The following PCDHGA5 variants were observed in gnomAD, a reference collection of about 807,000 sequenced individuals.
PCDHGA5 encodes protocadherin gamma subfamily A, 5.
PCDHGA5 carries 36 observed loss-of-function variants against 56.7 expected under a neutral mutation model. The observed-to-expected ratio is 0.64, with a 90% confidence interval of 0.49 to 0.84. The LOEUF (loss-of-function observed/expected upper bound fraction) is 0.84, where lower values mean the gene tolerates loss of function less well. PCDHGA5 is among the 40% of genes least tolerant of loss of function. The probability of loss-of-function intolerance (pLI) is 0.00; values close to 1 mark genes in which losing one functional copy is unlikely to be tolerated. For synonymous variants in PCDHGA5, 563 were observed against 520.2 expected, an observed-to-expected ratio of 1.08 and a Z score of -1.12; for missense variants, 1,305 against 1,201.5, an observed-to-expected ratio of 1.09 and a Z score of -1.27.
intron 1 of PCDHGA5, chr5:141,427,102 C>T (rs1363595185): frequency 6.6e-6 from 3 of 457,858 alleles, no homozygotes; most frequent in South Asian, 3.1e-5. Flanking sequence ...GGTGTCAATG[C>T]GGAGATCACC....
At chr5:141,406,267 G>A (rs2094786630) in intron 1 of PCDHGA5, among the ~76,000 whole-genome samples, 1 of 151,854 alleles carries the variant, frequency 6.6e-6, no homozygotes, top group African/African-American at 2.4e-5. Context: ...CGATCTTCCT[G>A]CTTCAGTTTC....
intron 1 of PCDHGA5, among the ~76,000 whole-genome samples, chr5:141,463,797 T>C (rs58523023): frequency 0.28 from 42,459 of 152,012 alleles, 6,656 homozygotes; most frequent in African/African-American, 0.43. Flanking sequence ...TGAACAAATG[T>C]CTAAAAGCTT....
intron 1 of PCDHGA5, chr5:141,423,087 G>C (rs756067751): frequency 1.2e-6 from 2 of 1,613,936 alleles, no homozygotes; most frequent in African/African-American, 1.3e-5. Context: ...TCTTCGCGGT[G>C]GGGGAGCACA....
intron 1 of PCDHGA5, chr5:141,393,190 T>C: frequency 6.2e-7 from 1 of 1,613,384 alleles, no homozygotes; most frequent in Non-Finnish European, 8.5e-7. Flanking sequence ...ATAATTGATA[T>C]TAACGATAAT....
intron 1 of PCDHGA5, chr5:141,427,093 G>A (rs1446677593): frequency 2.2e-6 from 1 of 458,122 alleles, no homozygotes. Flanking sequence ...CAGGATGAGG[G>A]TGTCAATGCG....
rs188283892 is a variant in PCDHGA5, at chr5:141,394,450, T to C, written c.2421+27699T>C. ...GGGGACCCGCCCCTCAGCAGCAACA[T>C]GTCACTGAGCCTGTTCGTGCTGGAC... On this transcript the variant is annotated intron_variant, in intron 1 of 3. Coordinates refer to ENST00000518069, the MANE Select transcript of PCDHGA5 (RefSeq NM_018918.3). 12 of 1,614,228 alleles carry C rather than the reference T, an allele frequency of 7.4e-6. No individual in the cohort carries two copies. In the South Asian group the frequency reaches 1.3e-4, roughly 18 times the overall value.
intron 2 of PCDHGA5, among the ~76,000 whole-genome samples, chr5:141,500,774 A>G (rs1479931234): frequency 6.6e-6 from 1 of 152,188 alleles, no homozygotes; most frequent in Non-Finnish European, 1.5e-5. Context: ...TCTTATGAAT[A>G]TACATATTAT....
At chr5:141,399,125 T>C in intron 1 of PCDHGA5, 1 of 1,613,834 alleles carries the variant, frequency 6.2e-7, no homozygotes, top group South Asian at 1.1e-5. Context: ...GAAATTAATA[T>C]TCAAGATGAA....
At chr5:141,414,097 T>C (rs1442366960) in intron 1 of PCDHGA5, 1 of 1,594,352 alleles carries the variant, frequency 6.3e-7, no homozygotes, top group South Asian at 1.1e-5. Context: ...AATAAAAATA[T>C]CAGAAAATCT....
At position 141,490,543 on chromosome 5, in the gene PCDHGA5, C is replaced by T; in HGVS notation, c.2422-4264C>T. 2 of 1,614,188 alleles carry T rather than the reference C, an allele frequency of 1.2e-6. No homozygotes were observed. Among genetic ancestry groups the T allele is most frequent in the Non-Finnish European group, 8.5e-7 (1 of 1,180,024 alleles). On this transcript the variant is annotated intron_variant, in intron 1 of 3. Transcript: ENST00000518069. The surrounding 1 kb of genome is among the most constrained non-coding windows in gnomAD (Gnocchi z 5.4). ...CAGCGATGCTGGTTCACCTTCCCTA[C>T]ACAAACATCTCACCATCAGGCTCAA...
At chr5:141,428,145 A>T (rs748256830) in intron 1 of PCDHGA5, 11 of 1,592,456 alleles carry the variant, frequency 6.9e-6, no homozygotes, top group Non-Finnish European at 8.6e-7. Flanking sequence ...GGGGCTGCAC[A>T]CGGGAACCTG....
At position 141,477,811 on chromosome 5, in the gene PCDHGA5, C is replaced by A. The variant is rs1211574518; in HGVS notation, c.2422-16996C>A. 1 of 1,614,046 alleles carries A rather than the reference C, an allele frequency of 6.2e-7. No individual in the cohort carries two copies. Among genetic ancestry groups the A allele is most frequent in the Non-Finnish European group, 8.5e-7 (1 of 1,180,034 alleles). On this transcript the variant is annotated intron_variant, in intron 1 of 3. Transcript: ENST00000518069. This position sits in a 1 kb window ranked among gnomAD's most constrained non-coding sequence, Gnocchi z 4.9. ...TCACTGATCGCAATGACAATGCCCC[C>A]CAGGTCCTATATCCTCGGCCAGGTG...
intron 1 of PCDHGA5, chr5:141,389,222 C>T (rs765730840): frequency 6.2e-7 from 1 of 1,614,072 alleles, no homozygotes; most frequent in Non-Finnish European, 8.5e-7. Flanking sequence ...TAAATGACAA[C>T]GCTCCGGTTT....
At chr5:141,447,647 T>C (rs1338920727) in intron 1 of PCDHGA5, among the ~76,000 whole-genome samples, 1 of 152,092 alleles carries the variant, frequency 6.6e-6, no homozygotes, top group African/African-American at 2.4e-5. Flanking sequence ...GATGGTAGAA[T>C]TTTCCCCCCC....
chr5:141,414,290 T>G (rs781378958), intron 1 of PCDHGA5: 5 of 1,613,154 alleles, frequency 3.1e-6, no homozygotes, highest in Non-Finnish European at 4.2e-6. Context: ...GTCGTAGCCC[T>G]TTTAAATGTG....
chr5:141,486,083 C>T lies in PCDHGA5; in HGVS notation c.2422-8724C>T, dbSNP rs367657659. On this transcript the variant is annotated intron_variant, in intron 1 of 3. Coordinates refer to ENST00000518069, the MANE Select transcript of PCDHGA5 (RefSeq NM_018918.3). This position sits in a 1 kb window ranked among gnomAD's most constrained non-coding sequence, Gnocchi z 5.0. ...GCACCCCACTACTGGAAAGCTTACTCTTTTGGGGCCCCTAGACTTTGAGAG... is the reference window on the plus strand; with the variant it reads ...GCACCCCACTACTGGAAAGCTTACTTTTTTGGGGCCCCTAGACTTTGAGAG... The T allele has an allele frequency of 1.2e-6, 2 of 1,614,062 alleles. No individual in the cohort carries two copies. Among genetic ancestry groups the T allele is most frequent in the Non-Finnish European group, 1.7e-6 (2 of 1,180,040 alleles).
At chr5:141,402,469 A>G (rs2094270515) in intron 1 of PCDHGA5, among the ~76,000 whole-genome samples, 1 of 152,224 alleles carries the variant, frequency 6.6e-6, no homozygotes. Context: ...ATCTAGAAAT[A>G]GAGTGCAAAG....
At chr5:141,404,469 C>T (rs1239367876) in intron 1 of PCDHGA5, 3 of 1,612,966 alleles carry the variant, frequency 1.9e-6, no homozygotes, top group African/African-American at 1.3e-5. Flanking sequence ...ACCTATGTCT[C>T]TATTAACTCA....
At position 141,371,326 on chromosome 5, in the gene PCDHGA5, A is replaced by C. The variant is rs761989628; in HGVS notation, c.2421+4575A>C. ...ACTATTGGAGAACTGGACTTTGAAG[A>C]GAGAGATAGCTACACAATTGGGGTG... On this transcript the variant is annotated intron_variant, in intron 1 of 3. Coordinates refer to ENST00000518069, the MANE Select transcript of PCDHGA5 (RefSeq NM_018918.3). 55 of 1,613,874 alleles carry C rather than the reference A, an allele frequency of 3.4e-5. No homozygotes were observed. The highest frequency in any genetic ancestry group is 4.5e-5 in the Non-Finnish European group (53 of 1,179,892).
Sources: allele counts gnomAD v4.1 joint callset (sites outside exome capture counted in the v4.1 genomes callset), GRCh38; gene constraint gnomAD v4.1.1; non-coding constraint Gnocchi (gnomAD v3.1); transcripts MANE v1.5; gene names NCBI Gene and HGNC (gene_info 2026-07-23, HGNC 2026-07-21).